Variants in CARMIL1 observed in about 807,000 individuals in gnomAD.
CARMIL1 encodes the protein F-actin-uncapping protein LRRC16A.
In CARMIL1, 90 loss-of-function variants were observed where a neutral mutation model predicts 177.1. The observed-to-expected ratio is 0.51, with a 90% CI of 0.43 to 0.61. CARMIL1 has a LOEUF of 0.61. Ranked by LOEUF, CARMIL1 falls within the 20% of genes least tolerant of loss-of-function variation. CARMIL1 has a pLI of 0.00. For missense variants in CARMIL1, 1,380 were observed against 1,667.0 expected (o/e 0.83, Z 3.00); for synonymous variants, 577 against 606.2 (o/e 0.95, Z 0.71).
chr6:25,562,885 G>A (rs1680908902), intron 29 of CARMIL1, among the ~76,000 whole-genome samples: 1 of 152,178 alleles, frequency 6.6e-6, no homozygotes. Context: ...TGATTCTTAT[G>A]AGCTTAATTT....
chr6:25,568,689 T>A (rs546877931), intron 29 of CARMIL1, among the ~76,000 whole-genome samples: 1 of 152,172 alleles, frequency 6.6e-6, no homozygotes, highest in Non-Finnish European at 1.5e-5. Context: ...AAATGACTTT[T>A]TTTTCTGAAA....
At chr6:25,501,762 C>T (rs1724637140) in intron 17 of CARMIL1, among the ~76,000 whole-genome samples, 2 of 152,026 alleles carry the variant, frequency 1.3e-5, no homozygotes, top group African/African-American at 4.8e-5. Context: ...TGTATTTCCC[C>T]TATCTCCTAG....
chr6:25,375,548 G>A (rs543044383), intron 2 of CARMIL1, among the ~76,000 whole-genome samples: 58 of 152,242 alleles, frequency 3.8e-4, no homozygotes, highest in African/African-American at 1.4e-3. Flanking sequence ...GCAAGGCCAG[G>A]GAAATTTTTC....
intron 5 of CARMIL1, among the ~76,000 whole-genome samples, chr6:25,442,468 A>ATG (rs5875041): frequency 0.25 from 37,357 of 148,856 alleles, 4,580 homozygotes; most frequent in Middle Eastern, 0.35. Context: ...GTGTGTGTGT[A>ATG]TGTGTGTGTG....
intron 11 of CARMIL1, among the ~76,000 whole-genome samples, chr6:25,478,546 T>C (rs956530511): frequency 1.3e-4 from 20 of 152,132 alleles, no homozygotes; most frequent in African/African-American, 4.6e-4. Context: ...CCTATAATCC[T>C]AGCACTTTGG....
chr6:25,608,146 G>A (rs3804106), intron 35 of CARMIL1, among the ~76,000 whole-genome samples: 43,721 of 151,936 alleles, frequency 0.29, 6,321 homozygotes, highest in Non-Finnish European at 0.3. Flanking sequence ...CTTATAGAAT[G>A]AATCTAGTTT....
intron 2 of CARMIL1, among the ~76,000 whole-genome samples, chr6:25,328,843 G>GA (rs959361653): frequency 6.6e-6 from 1 of 151,594 alleles, no homozygotes; most frequent in South Asian, 2.1e-4. Flanking sequence ...AATGAGAGGG[G>GA]AAAAAAATCT....
chr6:25,362,427 T>A (rs1581687849), intron 2 of CARMIL1, among the ~76,000 whole-genome samples: 1 of 151,932 alleles, frequency 6.6e-6, no homozygotes, highest in Non-Finnish European at 1.5e-5. Flanking sequence ...GTAATCCCAG[T>A]ACTTTGGGAG....
At chr6:25,312,547 C>G (rs189996323) in intron 2 of CARMIL1, among the ~76,000 whole-genome samples, 42 of 152,198 alleles carry the variant, frequency 2.8e-4, no homozygotes, top group African/African-American at 9.9e-4. Flanking sequence ...TCATTTAATT[C>G]CTAACTCATT....
At chr6:25,424,063 C>T (rs1796088284) in intron 3 of CARMIL1, among the ~76,000 whole-genome samples, 1 of 152,072 alleles carries the variant, frequency 6.6e-6, no homozygotes, top group African/African-American at 2.4e-5. Context: ...TGACGTCTTT[C>T]AGTATGTTTT....
At chr6:25,471,651 C>A (rs1372697450) in intron 10 of CARMIL1, among the ~76,000 whole-genome samples, 1 of 152,144 alleles carries the variant, frequency 6.6e-6, no homozygotes, top group Non-Finnish European at 1.5e-5. Flanking sequence ...ATTTAAAGTA[C>A]TTGGCAAAGT....
At position 25,323,664 on chromosome 6, in the gene CARMIL1, A is replaced by C. The variant is rs550926239; in HGVS notation, c.138+38755A>C. On this transcript the variant is annotated intron_variant, in intron 2 of 36. Coordinates refer to ENST00000329474, the MANE Select transcript of CARMIL1 (RefSeq NM_017640.6). ...TTGCAAATATTTCTGAAAATCATAG[A>C]TGTATGGTTTCTATGGTTCCTGGTT... is the stretch of plus-strand genomic sequence containing the variant. Among the ~76,000 whole-genome samples, 331 of 152,260 alleles carry C rather than the reference A, an allele frequency of 2.2e-3. 5 individuals are homozygous for C. Among genetic ancestry groups the C allele is most frequent in the South Asian group, 0.019 (94 of 4,824 alleles).
intron 23 of CARMIL1, among the ~76,000 whole-genome samples, chr6:25,523,990 C>T (rs1031070678): frequency 3.3e-5 from 5 of 152,128 alleles, no homozygotes; most frequent in Non-Finnish European, 7.4e-5. Context: ...AATGGGCTAT[C>T]GCAGTAAAGA....
At chr6:25,548,682 T>G (rs1242398287) in intron 26 of CARMIL1, among the ~76,000 whole-genome samples, 1 of 152,190 alleles carries the variant, frequency 6.6e-6, no homozygotes. Context: ...CCCTAGATAC[T>G]GTTTATTTAA....
intron 12 of CARMIL1, among the ~76,000 whole-genome samples, chr6:25,484,861 C>T (rs938368662): frequency 3.3e-5 from 5 of 151,968 alleles, no homozygotes; most frequent in African/African-American, 7.3e-5. Flanking sequence ...TAGTTTAAGT[C>T]GTTTATAAGA....
intron 8 of CARMIL1, among the ~76,000 whole-genome samples, chr6:25,457,090 C>A (rs374956100): frequency 1.3e-5 from 2 of 151,536 alleles, no homozygotes; most frequent in Non-Finnish European, 2.9e-5. Context: ...CTGAATTTCT[C>A]GAAATAGTTC....
chr6:25,454,903 TA>T (rs199963494), intron 8 of CARMIL1, among the ~76,000 whole-genome samples: 2,269 of 152,304 alleles, frequency 0.015, 53 homozygotes, highest in African/African-American at 0.047. Context: ...GTTATTCTCT[TA>T]CCTCTACTGG....
intron 32 of CARMIL1, among the ~76,000 whole-genome samples, chr6:25,597,978 T>TGA (rs921187387): frequency 2.2e-4 from 34 of 152,206 alleles, no homozygotes; most frequent in African/African-American, 7.7e-4. Flanking sequence ...ACTTGAGTCT[T>TGA]TCTTTTGTTT....
chr6:25,353,257 T>C (rs772898164), intron 2 of CARMIL1, among the ~76,000 whole-genome samples: 2 of 152,222 alleles, frequency 1.3e-5, no homozygotes, highest in Non-Finnish European at 2.9e-5. Context: ...TTGTAATTGA[T>C]TTGTTCTCTT....
Sources: gnomAD v4.1 joint callset for allele counts (sites outside exome capture counted in the v4.1 genomes callset) on GRCh38, gnomAD v4.1.1 for gene constraint, MANE v1.5 for transcripts, NCBI Gene and HGNC (gene_info 2026-07-23, HGNC 2026-07-21) for gene names.